Variants in ADAMTSL1 observed in about 807,000 individuals in gnomAD.
ADAMTSL1 encodes ADAMTS like 1, also known as ADAMTS-like protein 1.
ADAMTSL1 carries 126 observed loss-of-function variants against 201.8 expected under a neutral mutation model. That is an observed-to-expected ratio of 0.62 (90% CI 0.54 to 0.72). The LOEUF (loss-of-function observed/expected upper bound fraction) is 0.72, where lower values mean the gene tolerates loss of function less well. Among genes scored for constraint, ADAMTSL1 ranks in the 30% least tolerant of loss-of-function variants. ADAMTSL1 has a pLI of 0.00. For synonymous variants in ADAMTSL1, 1,121 were observed against 903.4 expected (o/e 1.24, Z -4.32); for missense variants, 2,679 against 2,277.8 (o/e 1.18, Z -3.59).
Position 18,681,705 on chromosome 9 carries a change from G to GGGGA in ADAMTSL1, c.1342-104_1342-103insAGGG, listed in dbSNP as rs1587882484. 9.7e-6 allele frequency: 7 copies of GGGGA among 721,092 alleles called. No homozygotes were observed. The East Asian group carries it at 2.3e-4, about 24-fold the overall frequency. The allele number at this position is 721,092 out of a possible 1,614,324, so 44.7% of individuals were successfully genotyped here. A position where few individuals can be genotyped will look rare whatever the true frequency, so the allele number is the denominator to read the frequency against. On this transcript the variant is annotated intron_variant, in intron 11 of 28. Transcript: ENST00000380548. Reference sequence around the variant, plus strand: ...TACCAGGAGTCCTCGTGTGGGGGGGGGGGGCGGGGAAAAAGAAAACTTAGA... The same window carrying GGGGA: ...TACCAGGAGTCCTCGTGTGGGGGGGGGGGAGGGGCGGGGAAAAAGAAAACTTAGA...
chr9:18,168,686 C>T (rs1232408482), intron 2 of ADAMTSL1, among the ~76,000 whole-genome samples: 3 of 144,600 alleles, frequency 2.1e-5, no homozygotes, highest in East Asian at 4.1e-4. Context: ...TTCTAGATCC[C>T]TGAGGAATCG....
chr9:18,303,504 G>T (rs1480386712), intron 2 of ADAMTSL1, among the ~76,000 whole-genome samples: 1 of 152,184 alleles, frequency 6.6e-6, no homozygotes, highest in African/African-American at 2.4e-5. Context: ...TCAGCCCAAG[G>T]CCATGAGCGG....
intron 4 of ADAMTSL1, among the ~76,000 whole-genome samples, chr9:18,594,221 TCTC>T (rs1345563091): frequency 6.6e-6 from 1 of 152,150 alleles, no homozygotes; most frequent in Non-Finnish European, 1.5e-5. Flanking sequence ...TTCTAAGAAG[TCTC>T]CTTCCAGTTG....
intron 21 of ADAMTSL1, among the ~76,000 whole-genome samples, chr9:18,820,017 GC>G (rs1824112824): frequency 6.6e-6 from 1 of 152,158 alleles, no homozygotes; most frequent in Non-Finnish European, 1.5e-5. Flanking sequence ...TCCCAGTCAG[GC>G]AGCTTAGTGA....
At chr9:18,410,379 C>G (rs577207402) in intron 2 of ADAMTSL1, among the ~76,000 whole-genome samples, 3 of 152,116 alleles carry the variant, frequency 2.0e-5, no homozygotes, top group Non-Finnish European at 4.4e-5. Flanking sequence ...TCCCACCCCC[C>G]ACAGCCCCCA....
intron 1 of ADAMTSL1, among the ~76,000 whole-genome samples, chr9:17,999,553 C>T (rs1819526041): frequency 6.6e-6 from 1 of 151,640 alleles, no homozygotes. Context: ...GTCCAATAAT[C>T]CTCATCATCC....
intron 2 of ADAMTSL1, among the ~76,000 whole-genome samples, chr9:18,166,732 C>T (rs779480886): frequency 1.3e-5 from 2 of 151,896 alleles, no homozygotes; most frequent in African/African-American, 4.8e-5. Flanking sequence ...TTCTCTCACA[C>T]CCTTTCTTTA....
At chr9:18,709,886 C>A (rs531103399) in intron 14 of ADAMTSL1, among the ~76,000 whole-genome samples, 7 of 152,298 alleles carry the variant, frequency 4.6e-5, no homozygotes, top group African/African-American at 1.7e-4. Context: ...ACCTGTTGTT[C>A]CCCTTTTCTT....
At chr9:18,285,569 T>C (rs1832960581) in intron 2 of ADAMTSL1, among the ~76,000 whole-genome samples, 1 of 152,144 alleles carries the variant, frequency 6.6e-6, no homozygotes, top group African/African-American at 2.4e-5. Context: ...AGCTATAACC[T>C]ACTTTCATTT....
At chr9:18,751,135 T>C (rs1819447959) in intron 15 of ADAMTSL1, among the ~76,000 whole-genome samples, 2 of 152,228 alleles carry the variant, frequency 1.3e-5, no homozygotes, top group Admixed American at 1.3e-4. Flanking sequence ...AATGTATGGA[T>C]GTATCTTAAA....
chr9:18,190,424 A>G (rs1265253698), intron 2 of ADAMTSL1, among the ~76,000 whole-genome samples: 1 of 152,206 alleles, frequency 6.6e-6, no homozygotes, highest in Non-Finnish European at 1.5e-5. Context: ...CATTGTGACC[A>G]GCACACTCTT....
intron 2 of ADAMTSL1, among the ~76,000 whole-genome samples, chr9:18,507,760 T>C (rs1178286931): frequency 6.6e-6 from 1 of 152,088 alleles, no homozygotes; most frequent in Non-Finnish European, 1.5e-5. Context: ...TGACAGAAAA[T>C]ATATATCATT....
intron 8 of ADAMTSL1, among the ~76,000 whole-genome samples, chr9:18,658,530 C>A (rs1253001010): frequency 6.6e-6 from 1 of 152,152 alleles, no homozygotes; most frequent in African/African-American, 2.4e-5. Flanking sequence ...TTTTTCAACT[C>A]CACCCCATCA....
At chr9:18,397,321 G>T (rs1817794444) in intron 2 of ADAMTSL1, among the ~76,000 whole-genome samples, 1 of 152,082 alleles carries the variant, frequency 6.6e-6, no homozygotes, top group East Asian at 1.9e-4. Context: ...TTTTCAAGAA[G>T]AGAAAGGAAC....
chr9:18,201,162 A>C (rs1829429627), intron 2 of ADAMTSL1, among the ~76,000 whole-genome samples: 1 of 151,950 alleles, frequency 6.6e-6, no homozygotes, highest in Non-Finnish European at 1.5e-5. Context: ...AGTGTTTTGG[A>C]GTTTGAGGGA....
intron 2 of ADAMTSL1, among the ~76,000 whole-genome samples, chr9:18,419,493 G>A (rs1818840905): frequency 6.6e-6 from 1 of 152,030 alleles, no homozygotes; most frequent in Non-Finnish European, 1.5e-5. Flanking sequence ...ACAAAAACCT[G>A]TACATGAATA....
intron 2 of ADAMTSL1, among the ~76,000 whole-genome samples, chr9:18,349,046 A>G (rs1297065083): frequency 6.6e-6 from 1 of 152,180 alleles, no homozygotes; most frequent in Admixed American, 6.5e-5. Flanking sequence ...AATTTAAATA[A>G]TTTGTCCAAA....
chr9:18,684,966 C>T, intron 13 of ADAMTSL1, 166 bp downstream of exon 13: 1 of 1,387,802 alleles, frequency 7.2e-7, no homozygotes. Flanking sequence ...AAGTGTTTGT[C>T]AAAGCTGATG....
intron 19 of ADAMTSL1, among the ~76,000 whole-genome samples, chr9:18,789,928 T>A (rs547016745): frequency 1.4e-4 from 21 of 152,310 alleles, no homozygotes; most frequent in Admixed American, 2.6e-4. Flanking sequence ...CAGTCCTGTG[T>A]TGAGGCCTAC....
Sources: gnomAD v4.1 joint callset for allele counts (sites outside exome capture counted in the v4.1 genomes callset) on GRCh38, gnomAD v4.1.1 for gene constraint, MANE v1.5 for transcripts, NCBI Gene and HGNC (gene_info 2026-07-23, HGNC 2026-07-21) for gene names.